THSD4: variants seen among roughly 807,000 people sequenced by gnomAD.
The protein encoded by THSD4 is thrombospondin type 1 domain containing 4.
Under a neutral mutation model 119.0 loss-of-function variants are expected in THSD4, and 69 were observed. The observed-to-expected ratio is 0.58, with a 90% CI of 0.48 to 0.71. The LOEUF is 0.71. Among genes scored for constraint, THSD4 ranks in the 30% least tolerant of loss-of-function variants. THSD4 has a pLI of 0.00. For missense variants in THSD4, 1,393 were observed against 1,391.1 expected, an observed-to-expected ratio of 1.00 and a Z score of -0.02; for synonymous variants, 524 against 540.4, an observed-to-expected ratio of 0.97 and a Z score of 0.42.
At chr15:71,643,098 C>G (rs2050897298) in intron 7 of THSD4, among the ~76,000 whole-genome samples, 1 of 152,120 alleles carries the variant, frequency 6.6e-6, no homozygotes, top group African/African-American at 2.4e-5. Flanking sequence ...TGACTTTCCT[C>G]TTGGGGTACT....
chr15:71,362,995 CAAAAG>C (rs1282332370), intron 6 of THSD4, among the ~76,000 whole-genome samples: 13 of 138,464 alleles, frequency 9.4e-5, no homozygotes, highest in Non-Finnish European at 1.9e-4. Context: ...AAAAAAATCA[CAAAAG>C]AAATCTCGTA....
chr15:71,656,269 G>A (rs1287557863), intron 7 of THSD4, among the ~76,000 whole-genome samples: 11 of 152,104 alleles, frequency 7.2e-5, no homozygotes, highest in Non-Finnish European at 1.6e-4. Context: ...TTTTGACAAA[G>A]TGCTTTGGTT....
chr15:71,777,267 G>T lies in THSD4; in HGVS notation c.2950G>T (p.Val984Leu), dbSNP rs145303415. 3.2e-5 allele frequency: 51 copies of T among 1,614,218 alleles called. No individual in the cohort carries two copies. In the African/African-American group the frequency reaches 5.3e-4, roughly 17 times the overall value. Residue 984 changes from valine to leucine, a missense_variant, in exon 18 of 18, where the codon GTG becomes TTG. Val to Leu is a conservative substitution (Grantham distance 32). Transcript: ENST00000261862. ...NCKDKYYNCN[V>L]VVQARLCVYN... ...CAAGGACAAGTACTACAACTGCAACGTGGTGGTCCAGGCAAGACTCTGTGT... is the reference window on the plus strand; with the variant it reads ...CAAGGACAAGTACTACAACTGCAACTTGGTGGTCCAGGCAAGACTCTGTGT...
chr15:71,355,957 G>A (rs751170792), intron 6 of THSD4, among the ~76,000 whole-genome samples: 10 of 152,024 alleles, frequency 6.6e-5, no homozygotes, highest in East Asian at 3.9e-4. Context: ...AACCTCTGCC[G>A]CCCAGGTTTC....
chr15:71,285,679 C>T (rs1052579468), intron 6 of THSD4, among the ~76,000 whole-genome samples: 1 of 151,936 alleles, frequency 6.6e-6, no homozygotes, highest in African/African-American at 2.4e-5. Flanking sequence ...TATGGTAAAA[C>T]CCTGTCTCTA....
intron 3 of THSD4, among the ~76,000 whole-genome samples, chr15:71,199,857 T>C (rs77392785): frequency 0.032 from 4,605 of 143,632 alleles, 158 homozygotes; most frequent in African/African-American, 0.12. Context: ...GTGTGATGCA[T>C]GTGTGGGGTG....
chr15:71,355,478 C>T (rs928545642), intron 6 of THSD4, among the ~76,000 whole-genome samples: 1 of 152,196 alleles, frequency 6.6e-6, no homozygotes, highest in Admixed American at 6.5e-5. Context: ...CAGTTTGTTG[C>T]ATTTCCCTAT....
intron 3 of THSD4, among the ~76,000 whole-genome samples, chr15:71,168,480 G>T (rs936689953): frequency 6.6e-5 from 10 of 152,042 alleles, no homozygotes; most frequent in African/African-American, 2.4e-4. Context: ...TTATTATAGA[G>T]AATTTAGAAA....
chr15:71,236,756 T>C (rs1352874255), intron 4 of THSD4, among the ~76,000 whole-genome samples: 4 of 152,184 alleles, frequency 2.6e-5, no homozygotes, highest in Non-Finnish European at 4.4e-5. Flanking sequence ...TGAAGGAGCC[T>C]GCAGCCTGGT....
At chr15:71,646,285 A>G (rs982461648) in intron 7 of THSD4, among the ~76,000 whole-genome samples, 22 of 152,324 alleles carry the variant, frequency 1.4e-4, no homozygotes, top group African/African-American at 5.3e-4. Flanking sequence ...TAGAGGGAGC[A>G]CACTTTTCTT....
At chr15:71,755,938 G>C (rs1214545286) in intron 14 of THSD4, among the ~76,000 whole-genome samples, 1 of 151,560 alleles carries the variant, frequency 6.6e-6, no homozygotes, top group Non-Finnish European at 1.5e-5. Context: ...GGAATGACAG[G>C]GGCAAGGGCT....
chr15:71,215,334 C>G lies in THSD4; in HGVS notation c.399C>G (p.Gly133=). The G allele has an allele frequency of 2.0e-6, 3 of 1,530,912 alleles. No individual in the cohort carries two copies. Among genetic ancestry groups the G allele is most frequent in the Non-Finnish European group, 2.6e-6 (3 of 1,144,964 alleles). 94.8% of individuals were successfully genotyped at this position (1,530,912 alleles called of 1,614,324 possible). The stretch of plus-strand genomic sequence containing the variant: ...CCGGTACGGACGCCAGCCGCCAGGG[C>G]CCCACGGTGCTGCGAGGCAGCCGGC... ...ALAGTDASRQ[G]PTVLRGSRHP... is the part of the protein sequence containing the mutation. The change falls in exon 4 of 18, where the codon GGC becomes GGG. Residue 133 remains glycine, a synonymous_variant. Coordinates refer to ENST00000261862, the MANE Select transcript of THSD4 (RefSeq NM_024817.3).
intron 3 of THSD4, among the ~76,000 whole-genome samples, chr15:71,189,993 C>A (rs796669318): frequency 7.6e-4 from 116 of 152,302 alleles, no homozygotes; most frequent in African/African-American, 2.6e-3. Flanking sequence ...ACTCTGCATG[C>A]TCAGATGGTT....
chr15:71,591,472 C>T (rs1245466626), intron 7 of THSD4, among the ~76,000 whole-genome samples: 1 of 152,228 alleles, frequency 6.6e-6, no homozygotes, highest in Non-Finnish European at 1.5e-5. Context: ...CTATACCGAT[C>T]CTCTTGGCTG....
chr15:71,542,808 C>T (rs1191023827), intron 7 of THSD4, among the ~76,000 whole-genome samples: 2 of 150,838 alleles, frequency 1.3e-5, no homozygotes, highest in African/African-American at 2.4e-5. Context: ...ACCCGGGAGG[C>T]GGAGCTTGCA....
intron 7 of THSD4, among the ~76,000 whole-genome samples, chr15:71,563,919 C>G (rs886725913): frequency 2.6e-5 from 4 of 152,002 alleles, no homozygotes; most frequent in African/African-American, 9.7e-5. Flanking sequence ...GTAGCCCTGA[C>G]TTGTTTTGGG....
chr15:71,147,992 AAAAG>A, intron 2 of THSD4, among the ~76,000 whole-genome samples: 1 of 151,336 alleles, frequency 6.6e-6, no homozygotes, highest in African/African-American at 2.4e-5. Flanking sequence ...AAAAAAAAAA[AAAAG>A]CTGTACTGTG....
chr15:71,707,502 A>G (rs2052417273), intron 8 of THSD4, among the ~76,000 whole-genome samples: 1 of 152,240 alleles, frequency 6.6e-6, no homozygotes, highest in Non-Finnish European at 1.5e-5. Context: ...AACCAAGGCA[A>G]CTAACCACTT....
At chr15:71,207,511 C>G (rs1029686099) in intron 3 of THSD4, among the ~76,000 whole-genome samples, 2 of 152,194 alleles carry the variant, frequency 1.3e-5, no homozygotes, top group Non-Finnish European at 2.9e-5. Flanking sequence ...ACATTTTATG[C>G]ATATATTGTA....
Sources: allele counts gnomAD v4.1 joint callset (sites outside exome capture counted in the v4.1 genomes callset), GRCh38; gene constraint gnomAD v4.1.1; transcripts MANE v1.5; gene names NCBI Gene and HGNC (gene_info 2026-07-23, HGNC 2026-07-21).